Variants in RPA2 observed in about 807,000 individuals in gnomAD.
The protein encoded by RPA2 is replication protein A2, also known as replication protein A 32 kDa subunit.
A neutral mutation model predicts 33.4 loss-of-function variants in RPA2; 22 were observed. That is an observed-to-expected ratio of 0.66 (90% CI 0.47 to 0.94). The LOEUF (loss-of-function observed/expected upper bound fraction) is 0.94. RPA2 is among the 40% of genes least tolerant of loss of function. The probability of loss-of-function intolerance (pLI) is 0.00; values close to 1 mark genes in which losing one functional copy is unlikely to be tolerated. For synonymous variants in RPA2, 109 were observed against 114.9 expected, an observed-to-expected ratio of 0.95 and a Z score of 0.33; for missense variants, 279 against 329.9, an observed-to-expected ratio of 0.85 and a Z score of 1.19.
intron 2 of RPA2, among the ~76,000 whole-genome samples, chr1:27,909,638 C>A (rs774578038): frequency 1.3e-5 from 2 of 151,710 alleles, no homozygotes; most frequent in Non-Finnish European, 2.9e-5. Context: ...CACTTGAACT[C>A]GGGAGGCGGA....
Position 27,892,267 on chromosome 1 carries a change from A to G in RPA2, c.729-20T>C, listed in dbSNP as rs752660463. ...GCTTGCCTAGAAAGAAAGAAGAAAAAAAAAAGGTCATTTTCAGGCCAATTC... is the reference window on the plus strand; with the variant it reads ...GCTTGCCTAGAAAGAAAGAAGAAAAGAAAAAGGTCATTTTCAGGCCAATTC... On this transcript the variant is annotated intron_variant, in intron 8 of 8. Transcript: ENST00000373912. The G allele has an allele frequency of 6.2e-7, 1 of 1,607,782 alleles. No homozygotes were observed. Among genetic ancestry groups the G allele is most frequent in the Admixed American group, 1.7e-5 (1 of 59,826 alleles).
chr1:27,905,515 T>A (rs183325808), intron 4 of RPA2, among the ~76,000 whole-genome samples: 52 of 152,264 alleles, frequency 3.4e-4, no homozygotes, highest in African/African-American at 1.2e-3. Context: ...GGATTCGAAC[T>A]CCTGACCTCA....
At chr1:27,908,079 C>T (rs2090053269) in intron 2 of RPA2, among the ~76,000 whole-genome samples, 2 of 151,912 alleles carry the variant, frequency 1.3e-5, no homozygotes, top group South Asian at 4.2e-4. Context: ...GTGATCTGCC[C>T]ACCTCAGCCT....
chr1:27,913,081 T>C (rs1205784754), intron 2 of RPA2, among the ~76,000 whole-genome samples: 2 of 152,014 alleles, frequency 1.3e-5, no homozygotes, highest in Non-Finnish European at 2.9e-5. Flanking sequence ...GCCTCCCTAG[T>C]AGCTGGGATT....
chr1:27,898,153 C>T (rs1004278664), intron 4 of RPA2, among the ~76,000 whole-genome samples: 3 of 152,132 alleles, frequency 2.0e-5, no homozygotes, highest in Non-Finnish European at 2.9e-5. Flanking sequence ...CCCGCCACCA[C>T]GCCCGGCAGG....
In RPA2 at chr1:27,893,983, G is replaced by T. The variant is rs781396829; in HGVS notation, c.728+29C>A. On this transcript the variant is annotated intron_variant, in intron 8 of 8. Coordinates refer to ENST00000373912, the MANE Select transcript of RPA2 (RefSeq NM_002946.5). ...GAGGTGAAATAGGTACAATGCCAGA[G>T]CCTGAGCTCATGAAAATCAAATACT... The T allele has an allele frequency of 1.9e-6, 3 of 1,570,326 alleles. No homozygotes were observed. In the South Asian group the frequency reaches 3.3e-5, roughly 17 times the overall value.
chr1:27,913,780 A>G (rs146008196), intron 2 of RPA2, among the ~76,000 whole-genome samples: 1 of 152,200 alleles, frequency 6.6e-6, no homozygotes, highest in East Asian at 1.9e-4. Context: ...AAATTTAAAA[A>G]CCAAGTTGAG....
chr1:27,892,127 A>T lies in RPA2; in HGVS notation c.*36T>A. On this transcript the variant is annotated 3_prime_UTR_variant, in exon 9 of 9. Coordinates refer to ENST00000373912, the MANE Select transcript of RPA2 (RefSeq NM_002946.5). ...GACAACAGATTGTGAAACTAGGTCCAGCTGTAAAATATCTCAGGTACCCAG... is the reference window on the plus strand; with the variant it reads ...GACAACAGATTGTGAAACTAGGTCCTGCTGTAAAATATCTCAGGTACCCAG... The T allele has an allele frequency of 1.3e-6, 2 of 1,543,156 alleles. No homozygotes were observed. Among genetic ancestry groups the T allele is most frequent in the Non-Finnish European group, 1.8e-6 (2 of 1,117,110 alleles).
chr1:27,899,495 C>G (rs2089936892), intron 4 of RPA2, among the ~76,000 whole-genome samples: 1 of 114,586 alleles, frequency 8.7e-6, no homozygotes, highest in Non-Finnish European at 1.7e-5. Context: ...GAGCAGGACT[C>G]TATCTCAAAA....
rs1397848019 is a variant in RPA2 at position 27,907,259 on chromosome 1, C to A, written c.141G>T (p.Val47=). 6.2e-7 allele frequency: 1 copy of A among 1,612,646 alleles called. No homozygotes were observed. Among genetic ancestry groups the A allele is most frequent in the Non-Finnish European group, 8.5e-7 (1 of 1,179,384 alleles). The stretch of plus-strand genomic sequence containing the variant: ...AAAGCAGCTGAGATATAGTACAGGG[C>A]ACAATGTGCTGGGCTCGGGCTCTCT... The part of the protein sequence containing the change: ...KKSRARAQHI[V]PCTISQLLSA... The change falls in exon 3 of 9, where the codon GTG becomes GTT. Residue 47 remains valine, a synonymous_variant. Transcript: ENST00000373912.
rs2148649162 is a variant in RPA2 at position 27,891,736 on chromosome 1, G to A, written c.*427C>T. On this transcript the variant is annotated 3_prime_UTR_variant, in exon 9 of 9. Transcript: ENST00000373912. ...GAAAGTAATGCCACACAACCAAAGT[G>A]GGAAATGAAAACAGGCAGAGGCCAG... 6.3e-6 allele frequency: 1 copy of A among 157,580 alleles called. No individual in the cohort carries two copies. Among genetic ancestry groups the A allele is most frequent in the South Asian group, 2.0e-4 (1 of 5,070 alleles). 9.8% of individuals were successfully genotyped at this position (157,580 alleles called of 1,614,324 possible). A position where few individuals can be genotyped will look rare whatever the true frequency, so the allele number is the denominator to read the frequency against.
intron 2 of RPA2, among the ~76,000 whole-genome samples, chr1:27,908,530 C>G (rs2090059383): frequency 1.3e-5 from 2 of 151,942 alleles, no homozygotes; most frequent in Non-Finnish European, 2.9e-5. Flanking sequence ...GAGTCTCACT[C>G]TGTTGCCTAG....
intron 6 of RPA2, among the ~76,000 whole-genome samples, chr1:27,895,870 T>C (rs1249490466): frequency 1.3e-5 from 2 of 152,188 alleles, no homozygotes; most frequent in African/African-American, 4.8e-5. Flanking sequence ...CCCTCTCCCC[T>C]GTCATTCACT....
At chr1:27,912,534 A>T (rs1416407858) in intron 2 of RPA2, among the ~76,000 whole-genome samples, 1 of 152,172 alleles carries the variant, frequency 6.6e-6, no homozygotes, top group East Asian at 1.9e-4. Flanking sequence ...AGCCTGGCAG[A>T]GACCCTGTCT....
Position 27,902,703 on chromosome 1 carries a change from G to C in RPA2, c.333+4225C>G, listed in dbSNP as rs138557124. ...TCACACCTGTAATCCCAGCACTTTGGGAGGCTGAGGTGGGAGGATTGCTTA... is the reference window on the plus strand; with the variant it reads ...TCACACCTGTAATCCCAGCACTTTGCGAGGCTGAGGTGGGAGGATTGCTTA... On this transcript the variant is annotated intron_variant, in intron 4 of 8. Coordinates refer to ENST00000373912, the MANE Select transcript of RPA2 (RefSeq NM_002946.5). 8.5e-5 allele frequency among the ~76,000 whole-genome samples: 13 copies of C among 152,182 alleles called. No individual in the cohort carries two copies. In the East Asian group the frequency reaches 2.5e-3, roughly 29 times the overall value.
chr1:27,902,212 G>A (rs7544410), intron 4 of RPA2, among the ~76,000 whole-genome samples: 30,411 of 151,354 alleles, frequency 0.2, 3,703 homozygotes, highest in East Asian at 0.36. Context: ...TCAGCCTCCC[G>A]AATAGCTGGG....
Position 27,914,519 on chromosome 1 carries a change from C to T in RPA2, c.-76G>A. On this transcript the variant is annotated 5_prime_UTR_variant, in exon 1 of 9. Transcript: ENST00000373912. Reference sequence around the variant, plus strand: ...ATAGCGGAAAACCACAGAACGCGGCCGCCACTGCGCCGCTCTGGCTACTTT... The same window carrying T: ...ATAGCGGAAAACCACAGAACGCGGCTGCCACTGCGCCGCTCTGGCTACTTT... 1 of 1,598,966 alleles carries T rather than the reference C, an allele frequency of 6.3e-7. No individual in the cohort carries two copies. Among genetic ancestry groups the T allele is most frequent in the Non-Finnish European group, 8.5e-7 (1 of 1,173,528 alleles).
intron 4 of RPA2, among the ~76,000 whole-genome samples, chr1:27,902,930 T>G (rs1459455538): frequency 6.6e-6 from 1 of 152,086 alleles, no homozygotes; most frequent in African/African-American, 2.4e-5. Flanking sequence ...ATACATCTTA[T>G]GATTATTTTA....
At chr1:27,903,066 A>G (rs1391799267) in intron 4 of RPA2, among the ~76,000 whole-genome samples, 4 of 152,184 alleles carry the variant, frequency 2.6e-5, no homozygotes, top group South Asian at 4.1e-4. Flanking sequence ...AGTAGCTGGT[A>G]TTATAGGTGT....
Sources: allele counts gnomAD v4.1 joint callset (sites outside exome capture counted in the v4.1 genomes callset), GRCh38; gene constraint gnomAD v4.1.1; transcripts MANE v1.5; gene names NCBI Gene and HGNC (gene_info 2026-07-23, HGNC 2026-07-21).